RALGPS2: variants seen among roughly 807,000 people sequenced by gnomAD.
RALGPS2 encodes ras-specific guanine nucleotide-releasing factor RalGPS2.
In RALGPS2, 43 loss-of-function variants were observed where a neutral mutation model predicts 86.8. The observed-to-expected ratio is 0.50, with a 90% CI of 0.39 to 0.64. The LOEUF (loss-of-function observed/expected upper bound fraction) is 0.64, where lower values mean the gene tolerates loss of function less well. RALGPS2 is among the 30% of genes least tolerant of loss of function. The pLI, the probability that RALGPS2 is intolerant of heterozygous loss-of-function variation, is 0.00. For missense variants in RALGPS2, 536 were observed against 694.6 expected, an observed-to-expected ratio of 0.77 and a Z score of 2.57; for synonymous variants, 243 against 231.3, an observed-to-expected ratio of 1.05 and a Z score of -0.46.
chr1:178,758,534 C>G (rs1378862982), intron 1 of RALGPS2, among the ~76,000 whole-genome samples: 1 of 148,346 alleles, frequency 6.7e-6, no homozygotes, highest in African/African-American at 2.6e-5. Flanking sequence ...CACTTCCTAC[C>G]CCCCCTGCCC....
intron 14 of RALGPS2, among the ~76,000 whole-genome samples, chr1:178,891,459 A>G (rs943058594): frequency 3.9e-5 from 6 of 152,048 alleles, no homozygotes; most frequent in African/African-American, 1.4e-4. Context: ...AATCAAATAC[A>G]TTGTTGTCTT....
chr1:178,756,220 A>G (rs572756307), intron 1 of RALGPS2, among the ~76,000 whole-genome samples: 23 of 152,174 alleles, frequency 1.5e-4, no homozygotes, highest in African/African-American at 5.5e-4. Context: ...GGACTTAGTC[A>G]TAAGTTATTT....
intron 2 of RALGPS2, among the ~76,000 whole-genome samples, chr1:178,784,020 A>G (rs1482321801): frequency 6.6e-6 from 1 of 152,190 alleles, no homozygotes; most frequent in Non-Finnish European, 1.5e-5. Flanking sequence ...AACTTGTTAT[A>G]AAGCTAGTTT....
intron 8 of RALGPS2, among the ~76,000 whole-genome samples, chr1:178,861,230 T>C (rs1657989043): frequency 6.6e-6 from 1 of 152,058 alleles, no homozygotes; most frequent in Admixed American, 6.6e-5. Flanking sequence ...TCCCTTTGAA[T>C]TTAAGAGATC....
At chr1:178,804,123 G>T (rs1473819262) in intron 4 of RALGPS2, among the ~76,000 whole-genome samples, 1 of 142,926 alleles carries the variant, frequency 7.0e-6, no homozygotes. Flanking sequence ...AGTTTTGCAT[G>T]TATCATGTTT....
intron 8 of RALGPS2, chr1:178,853,708 G>T: frequency 6.2e-7 from 1 of 1,612,476 alleles, no homozygotes; most frequent in Non-Finnish European, 8.5e-7. Flanking sequence ...TTGGTCCATT[G>T]CTGTTTTCAG....
intron 1 of RALGPS2, among the ~76,000 whole-genome samples, chr1:178,732,367 C>T (rs1264773259): frequency 1.3e-5 from 2 of 152,046 alleles, no homozygotes; most frequent in Admixed American, 1.3e-4. Context: ...GGCGCGATCT[C>T]GGCTCACTGC....
chr1:178,776,827 A>G lies in RALGPS2; in HGVS notation c.57+6A>G, dbSNP rs549684710. On this transcript the variant is annotated splice_donor_region_variant and intron_variant, in intron 2 of 19. Coordinates refer to ENST00000367635, the MANE Select transcript of RALGPS2 (RefSeq NM_152663.5). ...TTGCAGCTACTGCTTCTGAGGTAAGATATTTAAGAAGCTTGGGTGTAAAGT... is the reference window on the plus strand; with the variant it reads ...TTGCAGCTACTGCTTCTGAGGTAAGGTATTTAAGAAGCTTGGGTGTAAAGT... The G allele has an allele frequency of 6.2e-7, 1 of 1,610,798 alleles. No homozygotes were observed. Among genetic ancestry groups the G allele is most frequent in the East Asian group, 2.2e-5 (1 of 44,742 alleles).
Position 178,917,102 on chromosome 1 carries a change from G to C in RALGPS2, c.*743G>C, listed in dbSNP as rs1230158197. 1.3e-5 allele frequency: 2 copies of C among 152,048 alleles called. No homozygotes were observed. Among genetic ancestry groups the C allele is most frequent in the Non-Finnish European group, 2.9e-5 (2 of 68,006 alleles). 9.4% of individuals were successfully genotyped at this position (152,048 alleles called of 1,614,324 possible). A position where few individuals can be genotyped will look rare whatever the true frequency, so the allele number is the denominator to read the frequency against. On this transcript the variant is annotated 3_prime_UTR_variant, in exon 20 of 20. Transcript: ENST00000367635. ...AAGGCTGTGTGTTCATTTGCCAGACGCTTTTTTTTTAAATAGGTTCCAGAA... is the reference window on the plus strand; with the variant it reads ...AAGGCTGTGTGTTCATTTGCCAGACCCTTTTTTTTTAAATAGGTTCCAGAA...
chr1:178,858,936 A>C (rs1234424481), intron 8 of RALGPS2, among the ~76,000 whole-genome samples: 3 of 152,188 alleles, frequency 2.0e-5, no homozygotes, highest in Non-Finnish European at 4.4e-5. Context: ...CAGAGCTTTC[A>C]AATTATTGGT....
intron 1 of RALGPS2, among the ~76,000 whole-genome samples, chr1:178,771,654 T>C (rs1652818371): frequency 6.6e-6 from 1 of 152,214 alleles, no homozygotes; most frequent in African/African-American, 2.4e-5. Flanking sequence ...TTAATGTCTT[T>C]GTAGGAAATT....
chr1:178,839,027 T>C (rs555552222), intron 8 of RALGPS2, among the ~76,000 whole-genome samples: 14 of 152,144 alleles, frequency 9.2e-5, no homozygotes, highest in Non-Finnish European at 1.9e-4. Context: ...AGACCAAACC[T>C]GCGTCTGATT....
chr1:178,865,468 T>C lies in RALGPS2; in HGVS notation c.608-12030T>C, dbSNP rs34106916. ...TGTTTCCATCTACATCCACCACCAG[T>C]TGCAGAACATCTATCTCCCGCTTCT... is the stretch of plus-strand genomic sequence containing the variant. On this transcript the variant is annotated intron_variant, in intron 8 of 19. Transcript: ENST00000367635. The C allele has an allele frequency of 3.0e-3, 4,868 of 1,614,074 alleles. 23 individuals are homozygous for C. Among genetic ancestry groups the C allele is most frequent in the Middle Eastern group, 0.014 (83 of 6,062 alleles).
chr1:178,828,713 CATAAT>C (rs1367914866), intron 7 of RALGPS2, among the ~76,000 whole-genome samples: 1 of 152,164 alleles, frequency 6.6e-6, no homozygotes, highest in Non-Finnish European at 1.5e-5. Flanking sequence ...ATCAAAACCA[CATAAT>C]ATATCATCTC....
At chr1:178,748,859 A>C (rs1003164929) in intron 1 of RALGPS2, among the ~76,000 whole-genome samples, 148 of 150,850 alleles carry the variant, frequency 9.8e-4, no homozygotes, top group African/African-American at 3.5e-3. Context: ...TCAAAAAAAA[A>C]AAAAAAAGAA....
At chr1:178,752,974 C>T (rs988604967) in intron 1 of RALGPS2, among the ~76,000 whole-genome samples, 2 of 151,976 alleles carry the variant, frequency 1.3e-5, no homozygotes, top group Non-Finnish European at 2.9e-5. Context: ...TCATTGTGTA[C>T]AGTCCAGGCT....
At chr1:178,875,997 A>AGAT (rs1027237416) in intron 8 of RALGPS2, among the ~76,000 whole-genome samples, 4 of 152,176 alleles carry the variant, frequency 2.6e-5, no homozygotes, top group Non-Finnish European at 4.4e-5. Context: ...AGTTGAGGTT[A>AGAT]TCTAAAGAAA....
intron 4 of RALGPS2, among the ~76,000 whole-genome samples, chr1:178,792,094 T>C (rs993848741): frequency 5.3e-5 from 8 of 152,196 alleles, no homozygotes; most frequent in African/African-American, 1.9e-4. Flanking sequence ...CACTTGAAAT[T>C]ACTTCAGATT....
chr1:178,780,494 T>A (rs1460617202), intron 2 of RALGPS2, among the ~76,000 whole-genome samples: 1 of 152,180 alleles, frequency 6.6e-6, no homozygotes, highest in Admixed American at 6.5e-5. Flanking sequence ...CTCAAAACTG[T>A]CTGTGGTTCC....
Sources: gnomAD v4.1 joint callset for allele counts (sites outside exome capture counted in the v4.1 genomes callset) on GRCh38, gnomAD v4.1.1 for gene constraint, MANE v1.5 for transcripts, NCBI Gene and HGNC (gene_info 2026-07-23, HGNC 2026-07-21) for gene names.